The following VWA8 variants were observed in gnomAD, a reference collection of about 807,000 sequenced individuals.
VWA8 encodes the protein von Willebrand factor A domain containing 8, also known as von Willebrand factor A domain-containing protein 8.
A neutral mutation model predicts 241.5 loss-of-function variants in VWA8; 221 were observed. That is an observed-to-expected ratio of 0.91 (90% confidence interval 0.82 to 1.02). VWA8 has a LOEUF of 1.02. Ranked by LOEUF, VWA8 falls within the 50% of genes least tolerant of loss-of-function variation. The pLI, the probability that VWA8 is intolerant of heterozygous loss-of-function variation, is 0.00. For synonymous variants in VWA8, 852 were observed against 827.1 expected (o/e 1.03, Z -0.52); for missense variants, 2,322 against 2,328.7 (o/e 1.00, Z 0.06).
At chr13:41,863,454 T>TATATATATATATATATATATA (rs767135880) in intron 12 of VWA8, among the ~76,000 whole-genome samples, 4 of 94,828 alleles carry the variant, frequency 4.2e-5, no homozygotes, top group Admixed American at 1.1e-4. Flanking sequence ...TATATATATA[T>TATATATATATATATATATATA]TCACACACAC....
At chr13:41,881,174 T>G (rs530879894) in intron 9 of VWA8, among the ~76,000 whole-genome samples, 2 of 152,056 alleles carry the variant, frequency 1.3e-5, no homozygotes, top group Non-Finnish European at 1.5e-5. Context: ...TTTCAGCCAC[T>G]TCAACCTGGG....
At chr13:41,813,881 C>CA (rs1301090018) in intron 16 of VWA8, among the ~76,000 whole-genome samples, 80 of 149,162 alleles carry the variant, frequency 5.4e-4, no homozygotes, top group Admixed American at 2.1e-3. Context: ...TTTTATCTTG[C>CA]AAAAAAAAAG....
At chr13:41,837,107 A>G (rs560869491) in intron 12 of VWA8, among the ~76,000 whole-genome samples, 1 of 152,244 alleles carries the variant, frequency 6.6e-6, no homozygotes, top group African/African-American at 2.4e-5. Flanking sequence ...TTTTGTAGAG[A>G]CAAGTTCTCA....
At chr13:41,732,213 T>A in intron 21 of VWA8, 58 bp from the exon 22 acceptor site, 1 of 1,518,158 alleles carries the variant, frequency 6.6e-7, no homozygotes, top group Non-Finnish European at 9.1e-7. Flanking sequence ...TGATTGATCA[T>A]GATAAAAATA....
chr13:41,830,902 G>A (rs140317397), intron 13 of VWA8, among the ~76,000 whole-genome samples: 1 of 152,116 alleles, frequency 6.6e-6, no homozygotes, highest in East Asian at 1.9e-4. Context: ...AAAGAAAAGA[G>A]GAGGAGGAAG....
chr13:41,791,234 A>C (rs78823525), intron 17 of VWA8, among the ~76,000 whole-genome samples: 2,929 of 152,004 alleles, frequency 0.019, 98 homozygotes, highest in African/African-American at 0.066. Context: ...CAGCCTTGCT[A>C]AACTCAACAG....
intron 12 of VWA8, among the ~76,000 whole-genome samples, chr13:41,849,982 A>G (rs1195295306): frequency 6.6e-6 from 1 of 152,164 alleles, no homozygotes; most frequent in Non-Finnish European, 1.5e-5. Context: ...CTATGACTTC[A>G]TTACATAATG....
chr13:41,875,271 C>T (rs1307641182), intron 9 of VWA8, among the ~76,000 whole-genome samples: 2 of 152,052 alleles, frequency 1.3e-5, no homozygotes, highest in South Asian at 4.1e-4. Context: ...GAGTGGAAAG[C>T]ATGTTCTTCC....
intron 37 of VWA8, among the ~76,000 whole-genome samples, chr13:41,655,064 G>A (rs377401129): frequency 2.6e-5 from 4 of 151,866 alleles, no homozygotes; most frequent in African/African-American, 9.7e-5. Context: ...TACGTTAGGA[G>A]AATGCTCTTG....
At chr13:41,696,770 C>T (rs1022362078) in intron 29 of VWA8, among the ~76,000 whole-genome samples, 3 of 152,200 alleles carry the variant, frequency 2.0e-5, no homozygotes, top group Non-Finnish European at 4.4e-5. Context: ...CTGGATAACA[C>T]ACTCCTCAGC....
At chr13:41,857,956 A>C (rs1333940727) in intron 12 of VWA8, among the ~76,000 whole-genome samples, 2 of 152,140 alleles carry the variant, frequency 1.3e-5, no homozygotes, top group Non-Finnish European at 2.9e-5. Context: ...AAAAAGGAGA[A>C]AGGCAGTATT....
intron 21 of VWA8, among the ~76,000 whole-genome samples, chr13:41,734,345 A>C (rs76324569): frequency 6.6e-6 from 1 of 152,170 alleles, no homozygotes; most frequent in South Asian, 2.1e-4. Context: ...CTAAAAAAAA[A>C]CAAATGGTGC....
intron 13 of VWA8, among the ~76,000 whole-genome samples, chr13:41,833,101 C>T: frequency 6.6e-6 from 1 of 152,094 alleles, no homozygotes; most frequent in East Asian, 1.9e-4. Flanking sequence ...GTTTTTCAAA[C>T]TTACTACTGA....
intron 14 of VWA8, among the ~76,000 whole-genome samples, chr13:41,830,242 CA>C (rs1305339760): frequency 4.9e-3 from 257 of 52,502 alleles, no homozygotes; most frequent in East Asian, 7.6e-3. Flanking sequence ...GACTCTGTCT[CA>C]AAAAAAAAAA....
Position 41,806,422 on chromosome 13 carries a change from G to A in VWA8, c.2063+4803C>T, listed in dbSNP as rs1870211920. On this transcript the variant is annotated intron_variant, in intron 17 of 44. Coordinates refer to ENST00000379310, the MANE Select transcript of VWA8 (RefSeq NM_015058.2). Reference sequence around the variant, plus strand: ...ATTTAAATTAAACATGCAAAGGATAGGCTGGGCGCAGTGGCTCACGCCTGT... The same window carrying A: ...ATTTAAATTAAACATGCAAAGGATAAGCTGGGCGCAGTGGCTCACGCCTGT... Among the ~76,000 whole-genome samples, 4 of 152,312 alleles carry A rather than the reference G, an allele frequency of 2.6e-5. No individual in the cohort carries two copies. In the South Asian group the frequency reaches 8.3e-4, roughly 32 times the overall value.
chr13:41,569,702 T>C (rs538583260), intron 44 of VWA8, among the ~76,000 whole-genome samples: 1 of 152,096 alleles, frequency 6.6e-6, no homozygotes, highest in African/African-American at 2.4e-5. Flanking sequence ...CTTACAGGTA[T>C]TTTAAACACA....
intron 9 of VWA8, among the ~76,000 whole-genome samples, chr13:41,875,749 A>G (rs1003869605): frequency 8.6e-5 from 13 of 151,866 alleles, no homozygotes; most frequent in African/African-American, 2.9e-4. Context: ...TTTATTTTCT[A>G]TCTACATTCA....
intron 35 of VWA8, among the ~76,000 whole-genome samples, chr13:41,684,826 T>A (rs186071233): frequency 1.6e-4 from 24 of 152,292 alleles, no homozygotes; most frequent in Admixed American, 9.8e-4. Flanking sequence ...TATTATAATA[T>A]AAATGAAGAT....
intron 37 of VWA8, among the ~76,000 whole-genome samples, chr13:41,635,843 G>A (rs1233278531): frequency 1.3e-5 from 2 of 152,064 alleles, no homozygotes; most frequent in Non-Finnish European, 2.9e-5. Flanking sequence ...AGCGCAGGAG[G>A]GTGGAGATTT....
Sources: allele counts gnomAD v4.1 joint callset (sites outside exome capture counted in the v4.1 genomes callset), GRCh38; gene constraint gnomAD v4.1.1; transcripts MANE v1.5; gene names NCBI Gene and HGNC (gene_info 2026-07-23, HGNC 2026-07-21).